Variants in CELA3A observed in about 807,000 individuals in gnomAD.
CELA3A encodes chymotrypsin-like elastase family member 3A.
A neutral mutation model predicts 38.6 loss-of-function variants in CELA3A; 35 were observed. The ratio of observed to expected loss-of-function variants is 0.91; its 90% CI spans 0.69 to 1.20. CELA3A has a LOEUF of 1.20. CELA3A is among the 50% of genes most tolerant of loss of function. The probability of loss-of-function intolerance (pLI) is 0.00; values close to 1 mark genes in which losing one functional copy is unlikely to be tolerated. For synonymous variants in CELA3A, 143 were observed against 136.7 expected, an observed-to-expected ratio of 1.05 and a Z score of -0.32; for missense variants, 343 against 354.2, an observed-to-expected ratio of 0.97 and a Z score of 0.25.
Position 22,012,007 on chromosome 1 carries a change from C to T in CELA3A, c.796-443C>T, listed in dbSNP as rs1478201865. 8.8e-5 allele frequency among the ~76,000 whole-genome samples: 11 copies of T among 124,594 alleles called. 2 individuals carry two copies. The highest frequency in any genetic ancestry group is 1.8e-4 in the Non-Finnish European group (11 of 60,882). 81.7% of individuals were successfully genotyped at this position (124,594 alleles called of 152,430 possible). ...AGTGGAGGTTGCAGTGAGTTGAGATCGTGCACTCCAGCCTGGGCAACAGAG... is the reference window on the plus strand; with the variant it reads ...AGTGGAGGTTGCAGTGAGTTGAGATTGTGCACTCCAGCCTGGGCAACAGAG... On this transcript the variant is annotated intron_variant, in intron 7 of 7. Coordinates refer to ENST00000290122, the MANE Select transcript of CELA3A (RefSeq NM_005747.5).
chr1:22,001,769 C>A, intron 1 of CELA3A, 52 bp downstream of exon 1: 1 of 1,603,908 alleles, frequency 6.2e-7, no homozygotes, highest in Non-Finnish European at 8.5e-7. Flanking sequence ...GACTAGGAAT[C>A]CTTGAAATCT....
At chr1:22,010,280 A>T (rs1644975761) in intron 7 of CELA3A, 2 of 389,454 alleles carry the variant, frequency 5.1e-6, no homozygotes, top group Non-Finnish European at 1.1e-5. Flanking sequence ...ATCAGAGAGG[A>T]CTAATAACGC....
chr1:22,006,837 G>C (rs778313190), intron 4 of CELA3A, 41 bp from the exon 5 acceptor site: 1 of 1,602,552 alleles, frequency 6.2e-7, no homozygotes, highest in Admixed American at 1.7e-5. Flanking sequence ...GACTTGGGCC[G>C]GCTGGAGGAC....
At chr1:22,009,506 T>A (rs1405562369) in intron 6 of CELA3A, among the ~76,000 whole-genome samples, 199 bp from the exon 7 acceptor site, 4 of 151,120 alleles carry the variant, frequency 2.6e-5, no homozygotes, top group African/African-American at 7.3e-5. Context: ...GAGCCAAGCT[T>A]GCGCCACTGC....
At chr1:22,006,116 A>C in intron 4 of CELA3A, 2 of 335,626 alleles carry the variant, frequency 6.0e-6, no homozygotes, top group Non-Finnish European at 1.1e-5. Context: ...CTTCCCCCAT[A>C]TCCGAGGGTT....
intron 6 of CELA3A, among the ~76,000 whole-genome samples, chr1:22,008,112 C>A (rs532118981): frequency 2.4e-4 from 23 of 96,534 alleles, no homozygotes; most frequent in African/African-American, 6.3e-4. Flanking sequence ...ATGATTTTTG[C>A]CACTGCACCC....
At chr1:22,007,317 G>T (rs1193759524) in intron 5 of CELA3A, 56 bp from the exon 6 acceptor site, 5 of 1,551,626 alleles carry the variant, frequency 3.2e-6, no homozygotes, top group Non-Finnish European at 4.3e-6. Context: ...CCCTTCCTCT[G>T]GGGCACCTAG....
chr1:22,008,153 T>TC (rs1302817991), intron 6 of CELA3A, among the ~76,000 whole-genome samples: 3 of 6,858 alleles, frequency 4.4e-4, no homozygotes, highest in African/African-American at 2.0e-3. Context: ...ACGTTGTCTC[T>TC]TTTTTTTTTT....
rs369577642 is a variant in CELA3A, at chr1:22,006,873, C to T, written c.363-5C>T. ...CAGGCCCCGTGACTGTTCCCTCCTC[C>T]CCAGCAATGACATCGCCCTCATCAA... On this transcript the variant is annotated splice_polypyrimidine_tract_variant and splice_region_variant and intron_variant, in intron 4 of 7. Coordinates refer to ENST00000290122, the MANE Select transcript of CELA3A (RefSeq NM_005747.5). The T allele has an allele frequency of 6.2e-7, 1 of 1,611,734 alleles. No individual in the cohort carries two copies. The highest frequency in any genetic ancestry group is 1.1e-5 in the South Asian group (1 of 90,960).
intron 6 of CELA3A, among the ~76,000 whole-genome samples, chr1:22,009,420 C>A (rs1446183327): frequency 6.6e-6 from 1 of 150,832 alleles, no homozygotes; most frequent in Admixed American, 6.6e-5. Flanking sequence ...TGGCAGGTGC[C>A]TGTAATCCCA....
In CELA3A at chr1:22,009,140, C is replaced by T. The variant is rs182465934; in HGVS notation, c.643-565C>T. On this transcript the variant is annotated intron_variant, in intron 6 of 7. Transcript: ENST00000290122. ...CAGCACTTCGGGAGGCTGAGGCGGG[C>T]GGATCACGTGGTCAGGAGATCGAGA... Among the ~76,000 whole-genome samples, 16 of 151,118 alleles carry T rather than the reference C, an allele frequency of 1.1e-4. 1 individual carries two copies. Among genetic ancestry groups the T allele is most frequent in the Admixed American group, 5.3e-4 (8 of 15,194 alleles).
chr1:22,011,103 A>C (rs1329127971), intron 7 of CELA3A: 1 of 151,618 alleles, frequency 6.6e-6, no homozygotes, highest in East Asian at 1.9e-4. Context: ...TTTCTGGTCG[A>C]GTGCAGTGGT....
intron 1 of CELA3A, among the ~76,000 whole-genome samples, chr1:22,001,919 G>A (rs1300635944): frequency 6.6e-6 from 1 of 151,152 alleles, no homozygotes; most frequent in East Asian, 1.9e-4. Context: ...GATGGTGAAA[G>A]ACCCCCAAAG....
In CELA3A at chr1:22,012,312, G is replaced by T; in HGVS notation, c.796-138G>T. The T allele has an allele frequency of 1.6e-6, 2 of 1,220,264 alleles. 1 individual carries two copies. The allele number at this position is 1,220,264 out of a possible 1,614,324, so 75.6% of individuals were successfully genotyped here. Reference sequence around the variant, plus strand: ...GTAAGTTCTATCCCTACTACATAGAGGAGGAAACTGAGGCTCAGAGAGGTC... The same window carrying T: ...GTAAGTTCTATCCCTACTACATAGATGAGGAAACTGAGGCTCAGAGAGGTC... On this transcript the variant is annotated intron_variant, in intron 7 of 7. Coordinates refer to ENST00000290122, the MANE Select transcript of CELA3A (RefSeq NM_005747.5).
chr1:22,003,253 C>T (rs1255009114), intron 2 of CELA3A, among the ~76,000 whole-genome samples, 165 bp downstream of exon 2: 3 of 151,000 alleles, frequency 2.0e-5, no homozygotes, highest in Non-Finnish European at 1.5e-5. Flanking sequence ...AGGTTTTGCC[C>T]GTTTCATCTG....
At chr1:22,003,894 G>A (rs533842565) in intron 2 of CELA3A, among the ~76,000 whole-genome samples, 19 of 149,906 alleles carry the variant, frequency 1.3e-4, no homozygotes, top group African/African-American at 3.7e-4. Flanking sequence ...AGTAGAGACA[G>A]GGTTTCACTG....
Position 22,006,769 on chromosome 1 carries a change from G to A in CELA3A, c.363-109G>A, listed in dbSNP as rs541314162. 19 of 1,383,008 alleles carry A rather than the reference G, an allele frequency of 1.4e-5. No homozygotes were observed. The African/African-American group carries it at 2.4e-4, about 17-fold the overall frequency. The allele number at this position is 1,383,008 out of a possible 1,614,324, so 85.7% of individuals were successfully genotyped here. A position where few individuals can be genotyped will look rare whatever the true frequency, so the allele number is the denominator to read the frequency against. On this transcript the variant is annotated intron_variant, in intron 4 of 7. Transcript: ENST00000290122. ...GATGATGAAAGAGTGGATTTGGAGG[G>A]TAAAGAAGTTGGGGCATCTCAGAGG...
chr1:22,001,877 T>C (rs1427800149), intron 1 of CELA3A, among the ~76,000 whole-genome samples, 160 bp downstream of exon 1: 9 of 151,116 alleles, frequency 6.0e-5, no homozygotes, highest in Admixed American at 6.6e-5. Context: ...TTTCAGCTTA[T>C]GATGGAGCAG....
At chr1:22,003,772 C>T (rs1461498237) in intron 2 of CELA3A, among the ~76,000 whole-genome samples, 1 of 151,090 alleles carries the variant, frequency 6.6e-6, no homozygotes, top group African/African-American at 2.4e-5. Context: ...ATGGCACAAT[C>T]TTGGCTCACT....
Sources: allele counts gnomAD v4.1 joint callset (sites outside exome capture counted in the v4.1 genomes callset), GRCh38; gene constraint gnomAD v4.1.1; transcripts MANE v1.5; gene names NCBI Gene and HGNC (gene_info 2026-07-23, HGNC 2026-07-21).